The following TBCK variants were observed in gnomAD, a reference collection of about 807,000 sequenced individuals.
The protein encoded by TBCK is TBC domain-containing protein kinase-like protein.
TBCK carries 99 observed loss-of-function variants against 113.4 expected under a neutral mutation model. That is an observed-to-expected ratio of 0.87 (90% CI 0.74 to 1.03). TBCK has a LOEUF of 1.03. Ranked by LOEUF, TBCK falls within the 50% of genes least tolerant of loss-of-function variation. The probability of loss-of-function intolerance (pLI) is 0.00; values close to 1 mark genes in which losing one functional copy is unlikely to be tolerated. For synonymous variants in TBCK, 369 were observed against 370.8 expected (o/e 1.00, Z 0.05); for missense variants, 1,045 against 1,061.3 (o/e 0.98, Z 0.21).
chr4:106,197,855 G>T (rs1222586721), intron 20 of TBCK, among the ~76,000 whole-genome samples: 12 of 151,982 alleles, frequency 7.9e-5, no homozygotes, highest in Non-Finnish European at 1.8e-4. Context: ...TTTTTACAAG[G>T]TCTCTTCAGT....
chr4:106,143,177 A>T (rs1237010503), intron 23 of TBCK, among the ~76,000 whole-genome samples: 2 of 152,058 alleles, frequency 1.3e-5, no homozygotes, highest in Non-Finnish European at 2.9e-5. Flanking sequence ...CCCACAACCC[A>T]CCAAAAAACC....
chr4:106,069,299 T>C (rs1329249722), intron 25 of TBCK, among the ~76,000 whole-genome samples: 1 of 152,236 alleles, frequency 6.6e-6, no homozygotes, highest in Non-Finnish European at 1.5e-5. Context: ...AAGTCTTTCA[T>C]CCATCTGGAA....
chr4:106,177,723 G>A (rs1751853868), intron 22 of TBCK, among the ~76,000 whole-genome samples: 1 of 151,804 alleles, frequency 6.6e-6, no homozygotes, highest in African/African-American at 2.4e-5. Context: ...ATGCTGTTTT[G>A]GTTACTACAG....
At chr4:106,229,396 T>C (rs1363546480) in intron 19 of TBCK, among the ~76,000 whole-genome samples, 1 of 152,066 alleles carries the variant, frequency 6.6e-6, no homozygotes, top group Non-Finnish European at 1.5e-5. Flanking sequence ...TTTAAGACTT[T>C]AAACCATTTT....
At chr4:106,164,271 A>G (rs747920855) in intron 23 of TBCK, 48 of 152,138 alleles carry the variant, frequency 3.2e-4, no homozygotes, top group African/African-American at 1.2e-3. Flanking sequence ...TTTGTTTTCA[A>G]TGCATCTATT....
intron 19 of TBCK, among the ~76,000 whole-genome samples, chr4:106,224,004 A>G (rs1053348780): frequency 1.3e-5 from 2 of 152,142 alleles, no homozygotes; most frequent in African/African-American, 2.4e-5. Flanking sequence ...TTATTTTTAA[A>G]TGTTCCCATG....
chr4:106,145,626 T>A (rs543111244), intron 23 of TBCK, among the ~76,000 whole-genome samples: 1 of 152,316 alleles, frequency 6.6e-6, no homozygotes, highest in Non-Finnish European at 1.5e-5. Flanking sequence ...GAAAACATGA[T>A]CTAGAAGAAG....
intron 20 of TBCK, among the ~76,000 whole-genome samples, chr4:106,196,961 C>T (rs899462458): frequency 7.2e-5 from 11 of 152,094 alleles, no homozygotes; most frequent in Admixed American, 4.6e-4. Flanking sequence ...AAGAATTCTG[C>T]TTCTGACCAA....
At chr4:106,261,604 T>C (rs541221651) in intron 4 of TBCK, among the ~76,000 whole-genome samples, 1 of 152,026 alleles carries the variant, frequency 6.6e-6, no homozygotes, top group African/African-American at 2.4e-5. Flanking sequence ...TAATGCCCCA[T>C]AAGATTTCCA....
At chr4:106,060,400 T>G (rs773680027) in intron 25 of TBCK, among the ~76,000 whole-genome samples, 6 of 151,810 alleles carry the variant, frequency 4.0e-5, no homozygotes, top group Non-Finnish European at 5.9e-5. Context: ...CTAGGGCCCT[T>G]AAGAATTATG....
chr4:106,281,379 T>G (rs56220887), intron 3 of TBCK, among the ~76,000 whole-genome samples: 2,719 of 152,178 alleles, frequency 0.018, 25 homozygotes, highest in Middle Eastern at 0.034. Context: ...TAATTCAACT[T>G]TTTCCTTTCC....
intron 22 of TBCK, among the ~76,000 whole-genome samples, chr4:106,189,942 T>TCCACTCC (rs1753476886): frequency 6.6e-6 from 1 of 152,086 alleles, no homozygotes; most frequent in Non-Finnish European, 1.5e-5. Flanking sequence ...TTCCTCTCTT[T>TCCACTCC]CCACTCCCCA....
chr4:106,105,657 C>T lies in TBCK; in HGVS notation c.2412-10016G>A, dbSNP rs550296772. Among the ~76,000 whole-genome samples, 7 of 152,346 alleles carry T rather than the reference C, an allele frequency of 4.6e-5. No individual in the cohort carries two copies. In the East Asian group the frequency reaches 9.6e-4, roughly 21 times the overall value. On this transcript the variant is annotated intron_variant, in intron 24 of 25. Coordinates refer to ENST00000394708, the MANE Select transcript of TBCK (RefSeq NM_001163435.3). ...TTCAACACAAAAAATACCTCACTAACGTAACCCACTCTAAAGCCAGAGACA... is the reference window on the plus strand; with the variant it reads ...TTCAACACAAAAAATACCTCACTAATGTAACCCACTCTAAAGCCAGAGACA...
chr4:106,182,730 A>T (rs1265277164), intron 22 of TBCK: 1 of 152,124 alleles, frequency 6.6e-6, no homozygotes, highest in Non-Finnish European at 1.5e-5. Context: ...ACTGAAAATT[A>T]TAAAGTTCCT....
intron 1 of TBCK, among the ~76,000 whole-genome samples, chr4:106,313,370 T>C (rs980325015): frequency 6.8e-6 from 1 of 146,682 alleles, no homozygotes; most frequent in African/African-American, 2.5e-5. Context: ...AGACTCCAGC[T>C]CAAAAAAAAG....
intron 2 of TBCK, among the ~76,000 whole-genome samples, chr4:106,308,457 T>C (rs1400929426): frequency 6.6e-6 from 1 of 152,192 alleles, no homozygotes; most frequent in Non-Finnish European, 1.5e-5. Context: ...TCAGCTTGGC[T>C]GGCATGAAGG....
intron 2 of TBCK, among the ~76,000 whole-genome samples, chr4:106,301,901 T>A (rs1413206279): frequency 6.6e-6 from 1 of 152,128 alleles, no homozygotes; most frequent in Non-Finnish European, 1.5e-5. Flanking sequence ...CATTGAAAAA[T>A]ATGTGTTCAT....
intron 19 of TBCK, among the ~76,000 whole-genome samples, chr4:106,219,294 A>G (rs181498198): frequency 0.041 from 6,227 of 150,746 alleles, 401 homozygotes; most frequent in African/African-American, 0.14. Context: ...TGGGTGCAGC[A>G]CACCAGCATG....
intron 24 of TBCK, among the ~76,000 whole-genome samples, chr4:106,115,100 A>G (rs1251610585): frequency 1.3e-5 from 2 of 152,192 alleles, no homozygotes; most frequent in Non-Finnish European, 2.9e-5. Flanking sequence ...ATTACTTAAT[A>G]AAGTCTGTAA....
Sources: gnomAD v4.1 joint callset for allele counts (sites outside exome capture counted in the v4.1 genomes callset) on GRCh38, gnomAD v4.1.1 for gene constraint, MANE v1.5 for transcripts, NCBI Gene and HGNC (gene_info 2026-07-23, HGNC 2026-07-21) for gene names.